Variants in CDH13 observed in about 807,000 individuals in gnomAD.
CDH13 encodes cadherin-13.
In CDH13, 24 loss-of-function variants were observed where a neutral mutation model predicts 63.8. The ratio of observed to expected loss-of-function variants is 0.38; its 90% confidence interval spans 0.27 to 0.53. The LOEUF is 0.53. Among genes scored for constraint, CDH13 ranks in the 20% least tolerant of loss-of-function variants. The pLI is 0.85. For missense variants in CDH13, 1,049 were observed against 903.1 expected, an observed-to-expected ratio of 1.16 and a Z score of -2.07; for synonymous variants, 503 against 355.3, an observed-to-expected ratio of 1.42 and a Z score of -4.67.
At chr16:82,769,255 C>G (rs571596437) in intron 1 of CDH13, among the ~76,000 whole-genome samples, 3 of 152,218 alleles carry the variant, frequency 2.0e-5, no homozygotes, top group African/African-American at 7.2e-5. Flanking sequence ...ACAAATAAAT[C>G]ATCAAAGTTG....
chr16:83,039,711 G>C (rs1211826024), intron 3 of CDH13, among the ~76,000 whole-genome samples: 1 of 152,080 alleles, frequency 6.6e-6, no homozygotes, highest in Non-Finnish European at 1.5e-5. Context: ...ACATGGATGA[G>C]TGGAGCGAGT....
chr16:82,813,964 A>T (rs558920234), intron 1 of CDH13, among the ~76,000 whole-genome samples: 2 of 152,144 alleles, frequency 1.3e-5, no homozygotes, highest in South Asian at 4.2e-4. Context: ...CATTGTCGAG[A>T]CCCATCTATT....
chr16:83,752,046 A>G (rs1372442202), intron 11 of CDH13, among the ~76,000 whole-genome samples: 1 of 152,262 alleles, frequency 6.6e-6, no homozygotes, highest in East Asian at 1.9e-4. Context: ...ATCAGGGATG[A>G]AAATAAGCCA....
At chr16:83,154,563 C>CA (rs755336374) in intron 4 of CDH13, among the ~76,000 whole-genome samples, 5,622 of 98,372 alleles carry the variant, frequency 0.057, 181 homozygotes, top group South Asian at 0.12. Context: ...GACTCCATCT[C>CA]AAAAAAAAAA....
intron 1 of CDH13, among the ~76,000 whole-genome samples, chr16:82,764,771 A>G (rs1415754826): frequency 2.6e-5 from 4 of 151,014 alleles, no homozygotes; most frequent in East Asian, 1.9e-4. Flanking sequence ...GTGATGTGGA[A>G]CCACACTCAC....
intron 2 of CDH13, among the ~76,000 whole-genome samples, chr16:82,952,258 A>G (rs1357196059): frequency 1.3e-5 from 2 of 152,264 alleles, no homozygotes; most frequent in East Asian, 3.9e-4. Flanking sequence ...GTCATGTACC[A>G]TCTGAGCGTG....
intron 2 of CDH13, among the ~76,000 whole-genome samples, chr16:82,866,388 T>C (rs1203061702): frequency 9.2e-6 from 1 of 108,628 alleles, no homozygotes; most frequent in Non-Finnish European, 1.9e-5. Flanking sequence ...TTTTTTTTTT[T>C]TTTTTTTTTT....
chr16:82,834,150 A>G (rs9933518), intron 1 of CDH13, among the ~76,000 whole-genome samples: 53,052 of 152,126 alleles, frequency 0.35, 10,535 homozygotes, highest in East Asian at 0.81. Flanking sequence ...TTGATGCACT[A>G]AAGGCAAACT....
intron 3 of CDH13, among the ~76,000 whole-genome samples, chr16:83,048,945 C>G (rs758625535): frequency 6.6e-6 from 1 of 152,142 alleles, no homozygotes; most frequent in Non-Finnish European, 1.5e-5. Context: ...TACCTTAATA[C>G]TCCGAAATGG....
intron 7 of CDH13, among the ~76,000 whole-genome samples, chr16:83,506,876 C>T (rs528576824): frequency 3.3e-5 from 5 of 152,190 alleles, no homozygotes; most frequent in African/African-American, 9.7e-5. Flanking sequence ...GGAAGTAGAC[C>T]TTCTAGCCCC....
At chr16:82,675,175 A>C in intron 1 of CDH13, among the ~76,000 whole-genome samples, 1 of 152,212 alleles carries the variant, frequency 6.6e-6, no homozygotes, top group African/African-American at 2.4e-5. Flanking sequence ...TGTAAAAGAC[A>C]CACTACAGTG....
intron 7 of CDH13, among the ~76,000 whole-genome samples, chr16:83,541,099 TC>T (rs1432231265): frequency 3.3e-5 from 5 of 152,214 alleles, no homozygotes; most frequent in Admixed American, 6.5e-5. Flanking sequence ...GGCAGTCTAA[TC>T]TCAGACTCTC....
chr16:83,133,104 A>G (rs113350779), intron 4 of CDH13, among the ~76,000 whole-genome samples: 2 of 152,326 alleles, frequency 1.3e-5, no homozygotes, highest in African/African-American at 4.8e-5. Context: ...ATGCAGTTAT[A>G]AAGTCTTTAC....
intron 1 of CDH13, among the ~76,000 whole-genome samples, chr16:82,708,813 T>A (rs1165537647): frequency 6.6e-6 from 1 of 152,174 alleles, no homozygotes; most frequent in Non-Finnish European, 1.5e-5. Context: ...AAACACAACT[T>A]GCACAGTGTG....
chr16:82,721,918 GA>G (rs546579520), intron 1 of CDH13, among the ~76,000 whole-genome samples: 1 of 152,166 alleles, frequency 6.6e-6, no homozygotes, highest in East Asian at 1.9e-4. Flanking sequence ...GGAATGGAAG[GA>G]CCTGATGTGC....
intron 5 of CDH13, among the ~76,000 whole-genome samples, chr16:83,241,706 G>T (rs1252955354): frequency 3.9e-5 from 6 of 151,992 alleles, no homozygotes; most frequent in African/African-American, 1.4e-4. Context: ...ATGAAGTTGG[G>T]GAAGTTCTTT....
intron 1 of CDH13, among the ~76,000 whole-genome samples, chr16:82,694,535 T>A (rs1431435873): frequency 1.3e-5 from 2 of 152,188 alleles, no homozygotes; most frequent in African/African-American, 4.8e-5. Flanking sequence ...ACTAAGACTA[T>A]AAAACTGAAT....
intron 10 of CDH13, among the ~76,000 whole-genome samples, chr16:83,714,768 A>T (rs1908634301): frequency 6.6e-6 from 1 of 152,182 alleles, no homozygotes; most frequent in Non-Finnish European, 1.5e-5. Context: ...TCTATAGAAG[A>T]CAGAAATGGG....
chr16:83,185,027 A>T (rs540562727), intron 4 of CDH13, among the ~76,000 whole-genome samples: 13 of 151,832 alleles, frequency 8.6e-5, no homozygotes, highest in African/African-American at 3.1e-4. Flanking sequence ...TATCTTTCTG[A>T]TATACCTATC....
Sources: allele counts gnomAD v4.1 joint callset (sites outside exome capture counted in the v4.1 genomes callset), GRCh38; gene constraint gnomAD v4.1.1; transcripts MANE v1.5; gene names NCBI Gene and HGNC (gene_info 2026-07-23, HGNC 2026-07-21).